Variants in FAM135B observed in about 807,000 individuals in gnomAD.
The protein encoded by FAM135B is protein FAM135B.
Under a neutral mutation model 127.7 loss-of-function variants are expected in FAM135B, and 43 were observed. That is an observed-to-expected ratio of 0.34 (90% CI 0.26 to 0.43). FAM135B has a LOEUF of 0.43. FAM135B is among the 20% of genes least tolerant of loss of function. The pLI is 1.00. For missense variants in FAM135B, 1,558 were observed against 1,725.6 expected, an observed-to-expected ratio of 0.90 and a Z score of 1.72; for synonymous variants, 670 against 665.1, an observed-to-expected ratio of 1.01 and a Z score of -0.11.
chr8:138,406,181 T>C (rs1833477028), intron 1 of FAM135B, among the ~76,000 whole-genome samples: 1 of 151,914 alleles, frequency 6.6e-6, no homozygotes, highest in Non-Finnish European at 1.5e-5. Flanking sequence ...TTCACTCCGA[T>C]GGTAGTTTCT....
intron 1 of FAM135B, among the ~76,000 whole-genome samples, chr8:138,403,720 T>C (rs954421106): frequency 7.9e-5 from 12 of 152,146 alleles, no homozygotes; most frequent in Admixed American, 7.9e-4. Flanking sequence ...CTGTGCCTCT[T>C]CTGAATGGTT....
intron 7 of FAM135B, among the ~76,000 whole-genome samples, chr8:138,209,312 G>A (rs898531292): frequency 1.3e-5 from 2 of 152,150 alleles, no homozygotes; most frequent in African/African-American, 2.4e-5. Context: ...GTGACATAGG[G>A]CACACAGAGG....
chr8:138,421,408 A>G (rs1391488243), intron 1 of FAM135B, among the ~76,000 whole-genome samples: 1 of 152,216 alleles, frequency 6.6e-6, no homozygotes, highest in Non-Finnish European at 1.5e-5. Flanking sequence ...TAGTCTCTGT[A>G]TAGAAGCTCT....
intron 7 of FAM135B, among the ~76,000 whole-genome samples, chr8:138,215,967 C>T (rs1272351520): frequency 3.9e-5 from 6 of 151,972 alleles, no homozygotes; most frequent in Non-Finnish European, 5.9e-5. Flanking sequence ...TTAATGAGTC[C>T]GAGGGGATGG....
rs145967516 is a variant in FAM135B, at chr8:138,308,054, G to A, written c.157+2787C>T. Reference sequence around the variant, plus strand: ...GAGAGTCTATTTCCGTTCCCCTGGGGCTGGCCTTGTCACCTGCCCTGAACA... The same window carrying A: ...GAGAGTCTATTTCCGTTCCCCTGGGACTGGCCTTGTCACCTGCCCTGAACA... On this transcript the variant is annotated intron_variant, in intron 3 of 19. Transcript: ENST00000395297. Among the ~76,000 whole-genome samples the A allele has an allele frequency of 6.2e-3, 950 of 152,282 alleles. 3 individuals carry two copies. Among genetic ancestry groups the A allele is most frequent in the Non-Finnish European group, 8.8e-3 (596 of 68,028 alleles).
chr8:138,289,023 T>A (rs555256448), intron 3 of FAM135B, among the ~76,000 whole-genome samples: 1 of 152,154 alleles, frequency 6.6e-6, no homozygotes, highest in Non-Finnish European at 1.5e-5. Flanking sequence ...GAAAACACAA[T>A]GTATTTGCTT....
At chr8:138,475,492 G>T (rs1364527027) in intron 1 of FAM135B, among the ~76,000 whole-genome samples, 2 of 152,152 alleles carry the variant, frequency 1.3e-5, no homozygotes, top group Non-Finnish European at 2.9e-5. Flanking sequence ...TCCCATGTCT[G>T]CAAGTAGCAT....
chr8:138,310,843 G>T lies in FAM135B; in HGVS notation c.155C>A (p.Thr52Lys). 1 of 1,613,742 alleles carries T rather than the reference G, an allele frequency of 6.2e-7. No homozygotes were observed. Among genetic ancestry groups the T allele is most frequent in the African/African-American group, 1.3e-5 (1 of 75,064 alleles). Residue 52 changes from threonine to lysine, a missense_variant and splice_region_variant, in exon 3 of 20, where the codon ACA (threonine) becomes AAA (lysine). This residue lies in a region of FAM135B where 199 missense variants were observed against 245.7 expected (regional missense o/e 0.81). Transcript: ENST00000395297. ...HRLSASIAGQ[T>K]ESSSLHSACV... ...CCCATTGCCATTCTTCTGCTCACCTGTCTGCCCAGCGATGGAGGCACTCAG... is the reference window on the plus strand; with the variant it reads ...CCCATTGCCATTCTTCTGCTCACCTTTCTGCCCAGCGATGGAGGCACTCAG...
intron 19 of FAM135B, among the ~76,000 whole-genome samples, chr8:138,136,499 G>A (rs1816672158): frequency 6.6e-6 from 1 of 152,130 alleles, no homozygotes; most frequent in Non-Finnish European, 1.5e-5. Flanking sequence ...TTGGGCATCA[G>A]AGTGAAACGT....
At chr8:138,332,672 G>C (rs796209347) in intron 2 of FAM135B, among the ~76,000 whole-genome samples, 5 of 152,166 alleles carry the variant, frequency 3.3e-5, no homozygotes, top group African/African-American at 1.2e-4. Context: ...GGTGCATTTA[G>C]GGGGAAGGAG....
rs117667822 is a variant in FAM135B, at chr8:138,243,589, G to A, written c.543-521C>T. Among the ~76,000 whole-genome samples the A allele has an allele frequency of 1.6e-3, 244 of 152,316 alleles. No homozygotes were observed. Among genetic ancestry groups the A allele is most frequent in the Non-Finnish European group, 2.6e-3 (180 of 68,022 alleles). On this transcript the variant is annotated intron_variant, in intron 6 of 19. Coordinates refer to ENST00000395297, the MANE Select transcript of FAM135B (RefSeq NM_015912.4). The surrounding 1 kb of genome is among the most constrained non-coding windows in gnomAD (Gnocchi z 7.5). ...GCCAGAAAGCACTCGCTGTGTCAAC[G>A]CTAATTGGGAAGACCATAACCTGCT...
At chr8:138,168,078 C>A (rs1442644980) in intron 11 of FAM135B, 29 bp from the exon 12 acceptor site, 1 of 1,592,954 alleles carries the variant, frequency 6.3e-7, no homozygotes, top group Non-Finnish European at 8.6e-7. Flanking sequence ...GGTGAGCGTC[C>A]AGGGAAGAGT....
chr8:138,251,174 C>T (rs769178495), intron 5 of FAM135B, among the ~76,000 whole-genome samples, 160 bp from the exon 6 acceptor site: 4 of 152,172 alleles, frequency 2.6e-5, no homozygotes, highest in Non-Finnish European at 4.4e-5. Context: ...TTTTTCCCAC[C>T]ATTGGCAGAT....
Position 138,309,356 on chromosome 8 carries a change from C to T in FAM135B, c.157+1485G>A, listed in dbSNP as rs150623599. On this transcript the variant is annotated intron_variant, in intron 3 of 19. Coordinates refer to ENST00000395297, the MANE Select transcript of FAM135B (RefSeq NM_015912.4). ...GAATGGGTGGCCTACTTATCAGATGCCTGATTCCTTCCCAGGAGAGAGGGG... is the reference window on the plus strand; with the variant it reads ...GAATGGGTGGCCTACTTATCAGATGTCTGATTCCTTCCCAGGAGAGAGGGG... Among the ~76,000 whole-genome samples the T allele has an allele frequency of 2.2e-3, 339 of 152,282 alleles. 3 individuals are homozygous for T. Among genetic ancestry groups the T allele is most frequent in the Non-Finnish European group, 3.9e-3 (264 of 68,028 alleles).
At chr8:138,381,019 G>A (rs16909028) in intron 1 of FAM135B, among the ~76,000 whole-genome samples, 201 of 152,070 alleles carry the variant, frequency 1.3e-3, no homozygotes, top group Non-Finnish European at 2.4e-3. Context: ...TGGTTTGGGC[G>A]GTTGTTGCAC....
intron 4 of FAM135B, among the ~76,000 whole-genome samples, chr8:138,260,385 G>C (rs1009655340): frequency 6.6e-6 from 1 of 152,096 alleles, no homozygotes; most frequent in African/African-American, 2.4e-5. Flanking sequence ...ATCCATCGCC[G>C]AATCACGGGC....
At chr8:138,459,582 T>A (rs536441884) in intron 1 of FAM135B, 2 of 152,208 alleles carry the variant, frequency 1.3e-5, no homozygotes, top group Non-Finnish European at 2.9e-5. Context: ...ACTGGCGGGA[T>A]GATGATGATG....
intron 11 of FAM135B, among the ~76,000 whole-genome samples, chr8:138,168,866 T>C (rs1820179742): frequency 6.6e-6 from 1 of 152,154 alleles, no homozygotes; most frequent in African/African-American, 2.4e-5. Flanking sequence ...ACGGAGTCTA[T>C]GAGTTTTGGG....
chr8:138,389,573 A>G (rs965513629), intron 1 of FAM135B, among the ~76,000 whole-genome samples: 4 of 152,220 alleles, frequency 2.6e-5, no homozygotes, highest in African/African-American at 9.6e-5. Flanking sequence ...ACACAAAAGG[A>G]CAAACACTGT....
Sources: allele counts gnomAD v4.1 joint callset (sites outside exome capture counted in the v4.1 genomes callset), GRCh38; gene constraint gnomAD v4.1.1; regional missense constraint gnomAD v4.1.1; non-coding constraint Gnocchi (gnomAD v3.1); transcripts MANE v1.5; gene names NCBI Gene and HGNC (gene_info 2026-07-23, HGNC 2026-07-21).